The following ROBO2 variants were observed in gnomAD, a reference collection of about 807,000 sequenced individuals.
ROBO2 encodes the protein roundabout homolog 2.
Under a neutral mutation model 160.8 loss-of-function variants are expected in ROBO2, and 53 were observed. The observed-to-expected ratio is 0.33, with a 90% CI of 0.26 to 0.41. The LOEUF (loss-of-function observed/expected upper bound fraction) is 0.41. ROBO2 is among the 10% of genes least tolerant of loss of function. ROBO2 has a pLI of 1.00. For missense variants in ROBO2, 1,577 were observed against 1,722.4 expected (o/e 0.92, Z 1.49); for synonymous variants, 664 against 611.7 (o/e 1.09, Z -1.26).
chr3:77,309,180 T>C (rs1284547154), intron 2 of ROBO2, among the ~76,000 whole-genome samples: 1 of 152,158 alleles, frequency 6.6e-6, no homozygotes, highest in East Asian at 1.9e-4. Flanking sequence ...ATTTTCCTTT[T>C]CCTTTACTTT....
chr3:77,318,680 GGGTTTACAA>G lies in ROBO2; in HGVS notation c.389-158730_389-158722del, dbSNP rs1330985643. On this transcript the variant is annotated intron_variant, in intron 2 of 25. Coordinates refer to ENST00000461745, the Ensembl canonical transcript of ROBO2. ...TCGATGTTCTCATCTATAAAATAAG[GGGTTTACAA>G]GGTCAACTACTAAATTAGATAATAC... is the stretch of plus-strand genomic sequence containing the variant. Among the ~76,000 whole-genome samples, 3 of 152,030 alleles carry G rather than the reference GGGTTTACAA, an allele frequency of 2.0e-5. No individual in the cohort carries two copies. The East Asian group carries it at 5.8e-4, about 29-fold the overall frequency.
chr3:76,287,703 A>C (rs1708579786), intron 2 of ROBO2, among the ~76,000 whole-genome samples: 1 of 152,216 alleles, frequency 6.6e-6, no homozygotes, highest in South Asian at 2.1e-4. Flanking sequence ...TCTATGTTAG[A>C]ATTGCAACTG....
At chr3:76,562,363 C>T (rs532965634) in intron 2 of ROBO2, among the ~76,000 whole-genome samples, 70 of 151,742 alleles carry the variant, frequency 4.6e-4, no homozygotes, top group African/African-American at 1.5e-3. Context: ...ATACACTCTC[C>T]GATGTTAGTC....
intron 2 of ROBO2, among the ~76,000 whole-genome samples, chr3:76,285,197 A>T (rs1311321577): frequency 6.6e-6 from 1 of 152,154 alleles, no homozygotes; most frequent in African/African-American, 2.4e-5. Context: ...CATTTACTGG[A>T]TAAATGCTAG....
chr3:76,350,804 A>G (rs952002812), intron 2 of ROBO2, among the ~76,000 whole-genome samples: 3 of 151,948 alleles, frequency 2.0e-5, no homozygotes, highest in African/African-American at 7.2e-5. Flanking sequence ...AGAATTTGCC[A>G]TCTCCTTTTT....
intron 2 of ROBO2, among the ~76,000 whole-genome samples, chr3:76,110,756 T>A (rs559930974): frequency 1.3e-5 from 2 of 152,162 alleles, no homozygotes; most frequent in African/African-American, 4.8e-5. Flanking sequence ...CTAAAAAAAG[T>A]ATTAAGAAAT....
intron 16 of ROBO2, among the ~76,000 whole-genome samples, chr3:77,586,935 G>A (rs559071616): frequency 2.6e-5 from 4 of 151,290 alleles, no homozygotes; most frequent in African/African-American, 7.3e-5. Flanking sequence ...CATAAATGAC[G>A]CTGGTTTTTA....
At chr3:76,272,952 T>TTTATATATAA (rs1707637968) in intron 2 of ROBO2, among the ~76,000 whole-genome samples, 4 of 23,894 alleles carry the variant, frequency 1.7e-4, no homozygotes, top group Non-Finnish European at 6.7e-4. Context: ...ATAAAATATA[T>TTTATATATAA]AATATATATT....
chr3:76,187,778 CT>C (rs1362191094), intron 2 of ROBO2, among the ~76,000 whole-genome samples: 1 of 152,054 alleles, frequency 6.6e-6, no homozygotes, highest in Non-Finnish European at 1.5e-5. Flanking sequence ...TTTACCTCTT[CT>C]CTTGGAATCA....
intron 2 of ROBO2, among the ~76,000 whole-genome samples, chr3:76,334,810 G>A (rs1451759634): frequency 6.6e-6 from 1 of 151,914 alleles, no homozygotes; most frequent in Non-Finnish European, 1.5e-5. Flanking sequence ...TAATCCTTTG[G>A]GACTATTAGA....
upstream of ROBO2, among the ~76,000 whole-genome samples, chr3:77,037,639 T>C (rs1253516380): frequency 6.6e-6 from 1 of 152,050 alleles, no homozygotes; most frequent in East Asian, 1.9e-4. Context: ...TCTCGCCCAA[T>C]CTATCCCTTC....
At chr3:77,094,227 T>A (rs1184790863) in intron 1 of ROBO2, among the ~76,000 whole-genome samples, 1 of 152,198 alleles carries the variant, frequency 6.6e-6, no homozygotes, top group African/African-American at 2.4e-5. Context: ...TCTGGACATG[T>A]CATATAAATG....
At chr3:77,533,445 G>A (rs1238392876) in intron 6 of ROBO2, among the ~76,000 whole-genome samples, 1 of 152,100 alleles carries the variant, frequency 6.6e-6, no homozygotes, top group East Asian at 1.9e-4. Flanking sequence ...CAAGATATTG[G>A]CCAGGTTGCA....
chr3:76,387,982 C>A (rs1028043247), intron 2 of ROBO2, among the ~76,000 whole-genome samples: 51 of 152,130 alleles, frequency 3.4e-4, no homozygotes, highest in African/African-American at 1.1e-3. Flanking sequence ...AATCAAAATA[C>A]TATATCAATA....
In ROBO2 at chr3:76,733,833, A is replaced by G. The variant is rs574873431; in HGVS notation, c.110-364181A>G. On this transcript the variant is annotated intron_variant, in intron 2 of 26. Coordinates refer to the ROBO2 transcript ENST00000487694. ...TGGATGGCTTACACAACATGCATTT[A>G]TTTCTTATAGTTCTGGAGGCTGGGA... Among the ~76,000 whole-genome samples the G allele has an allele frequency of 2.6e-5, 4 of 152,252 alleles. No individual in the cohort carries two copies. In the East Asian group the frequency reaches 7.7e-4, roughly 29 times the overall value.
chr3:76,232,322 T>C (rs146122068), intron 2 of ROBO2, among the ~76,000 whole-genome samples: 81 of 152,330 alleles, frequency 5.3e-4, no homozygotes, highest in Non-Finnish European at 9.0e-4. Flanking sequence ...GGATGTATCT[T>C]GGCCTATTGG....
chr3:77,119,584 G>T (rs1459180900), intron 2 of ROBO2, among the ~76,000 whole-genome samples: 1 of 152,206 alleles, frequency 6.6e-6, no homozygotes, highest in East Asian at 1.9e-4. Context: ...AAGCACGGAA[G>T]TAAAATCTCC....
At chr3:76,868,002 A>G (rs922263179) in intron 2 of ROBO2, among the ~76,000 whole-genome samples, 2 of 152,160 alleles carry the variant, frequency 1.3e-5, no homozygotes, top group Admixed American at 1.3e-4. Context: ...TCTCCCCTCG[A>G]GATACAAAAT....
chr3:76,796,523 G>T (rs1393647106), intron 2 of ROBO2, among the ~76,000 whole-genome samples: 2 of 146,964 alleles, frequency 1.4e-5, no homozygotes, highest in Non-Finnish European at 3.0e-5. Context: ...AAGGAAGGAA[G>T]GAAGGAAGGA....
Sources: allele counts gnomAD v4.1 joint callset (sites outside exome capture counted in the v4.1 genomes callset), GRCh38; gene constraint gnomAD v4.1.1; transcripts MANE v1.5; gene names NCBI Gene and HGNC (gene_info 2026-07-23, HGNC 2026-07-21).